HECTD4: variants seen among roughly 807,000 people sequenced by gnomAD.
The protein encoded by HECTD4 is probable E3 ubiquitin-protein ligase HECTD4.
In HECTD4, 114 loss-of-function variants were observed where a neutral mutation model predicts 471.5. The ratio of observed to expected loss-of-function variants is 0.24; its 90% CI spans 0.21 to 0.28. The LOEUF (loss-of-function observed/expected upper bound fraction) is 0.28, where lower values mean the gene tolerates loss of function less well. Ranked by LOEUF, HECTD4 falls within the 10% of genes least tolerant of loss-of-function variation. The pLI, the probability that HECTD4 is intolerant of heterozygous loss-of-function variation, is 1.00. For synonymous variants in HECTD4, 2,012 were observed against 2,256.0 expected (o/e 0.89, Z 3.07); for missense variants, 3,866 against 5,651.5 (o/e 0.68, Z 10.13).
In HECTD4 at chr12:112,161,691, C is replaced by T. The variant is rs1165320974; in HGVS notation, c.*696G>A. 1.3e-5 allele frequency: 2 copies of T among 152,172 alleles called. No individual in the cohort carries two copies. The highest frequency in any genetic ancestry group is 2.1e-4 in the South Asian group (1 of 4,816). 9.4% of individuals were successfully genotyped at this position (152,172 alleles called of 1,614,324 possible). A position where few individuals can be genotyped will look rare whatever the true frequency, so the allele number is the denominator to read the frequency against. ...GATGAACCCTTAAGTCTCCTGCTCC[C>T]GAGGAGGCCTCAGATGAAAACTGTC... On this transcript the variant is annotated 3_prime_UTR_variant, in exon 76 of 76. Transcript: ENST00000682272.
Position 112,250,259 on chromosome 12 carries a change from C to T in HECTD4, c.3835G>A (p.Val1279Met), listed in dbSNP as rs572377351. The change falls in exon 25 of 76, where the codon GTG becomes ATG. Residue 1279 changes from valine to methionine, a missense_variant. Physicochemically the swap from Val to Met is conservative, Grantham distance 21. Coordinates refer to ENST00000682272, the MANE Select transcript of HECTD4 (RefSeq NM_001388303.1). ...TCAAAGTAGTTTCCAACAGGAGGCA[C>T]GAGGACATCAGAGGGGTAGGTGAAT... ...REFTYPSDVLVPPVGNYFDLP... is the reference protein window; with the variant it reads ...REFTYPSDVLMPPVGNYFDLP... 9.3e-5 allele frequency: 150 copies of T among 1,613,898 alleles called. No homozygotes were observed. The highest frequency in any genetic ancestry group is 1.1e-4 in the Non-Finnish European group (125 of 1,179,830).
Position 112,381,984 on chromosome 12 carries a change from C to T in HECTD4, c.145G>A (p.Gly49Arg). ...TCGGTGTCCGCGGCCTCTGGGGCCC[C>T]GAGGATCTCGCTGGGCAGCTCGGCC... Reference protein sequence around the residue: ...DLAELPSEILGAPEAADTDLE... With the variant: ...DLAELPSEILRAPEAADTDLE... Residue 49 changes from glycine to arginine, a missense_variant, in exon 1 of 76, where the codon GGG (glycine) becomes AGG (arginine). Coordinates refer to ENST00000682272, the MANE Select transcript of HECTD4 (RefSeq NM_001388303.1). The surrounding 1 kb of genome is among the most constrained non-coding windows in gnomAD (Gnocchi z 4.1). 1 of 1,224,840 alleles carries T rather than the reference C, an allele frequency of 8.2e-7. No individual in the cohort carries two copies. The highest frequency in any genetic ancestry group is 1.0e-6 in the Non-Finnish European group (1 of 983,448). The allele number at this position is 1,224,840 out of a possible 1,614,324, so 75.9% of individuals were successfully genotyped here.
chr12:112,165,911 G>A (rs966061413), intron 72 of HECTD4, among the ~76,000 whole-genome samples: 2 of 152,176 alleles, frequency 1.3e-5, no homozygotes, highest in Non-Finnish European at 2.9e-5. Context: ...GGACATTCGG[G>A]TCTAAGCCTG....
intron 37 of HECTD4, among the ~76,000 whole-genome samples, chr12:112,233,443 G>A (rs187627708): frequency 7.3e-5 from 11 of 151,718 alleles, no homozygotes; most frequent in Admixed American, 3.9e-4. Context: ...GGCTGGTCTC[G>A]AACTCCTGGG....
chr12:112,342,861 T>C (rs1028317675), intron 1 of HECTD4, among the ~76,000 whole-genome samples: 2 of 152,214 alleles, frequency 1.3e-5, no homozygotes, highest in African/African-American at 4.8e-5. Context: ...AAAGAAATCC[T>C]TTCCCTAGTA....
intron 9 of HECTD4, among the ~76,000 whole-genome samples, chr12:112,278,594 A>G (rs754602823): frequency 1.4e-4 from 21 of 152,256 alleles, no homozygotes; most frequent in Non-Finnish European, 2.5e-4. Context: ...GTATTTTAAT[A>G]GCTTTGAAAT....
rs537920445 is a variant in HECTD4 at position 112,191,884 on chromosome 12, CAT to C, written c.9292+674_9292+675del. Among the ~76,000 whole-genome samples the C allele has an allele frequency of 8.9e-4, 136 of 152,302 alleles. 1 individual carries two copies. The highest frequency in any genetic ancestry group is 2.1e-3 in the African/African-American group (88 of 41,560). On this transcript the variant is annotated intron_variant, in intron 59 of 75. Transcript: ENST00000682272. ...GCCTGTTATTTTGGCTAAAAGTTCA[CAT>C]GTTTTCTGTCTCTGGCAAACACGCG...
chr12:112,187,171 G>A (rs2031901013), intron 60 of HECTD4, among the ~76,000 whole-genome samples: 3 of 151,714 alleles, frequency 2.0e-5, no homozygotes, highest in Admixed American at 1.3e-4. Flanking sequence ...TAGAGACAGG[G>A]TTCCTCCGTG....
intron 7 of HECTD4, among the ~76,000 whole-genome samples, chr12:112,304,784 G>C (rs1594028867): frequency 6.6e-6 from 1 of 152,238 alleles, no homozygotes; most frequent in African/African-American, 2.4e-5. Flanking sequence ...ATAATGGTTA[G>C]AGGACACTGT....
intron 20 of HECTD4, among the ~76,000 whole-genome samples, chr12:112,258,092 G>C (rs2034062037): frequency 6.6e-6 from 1 of 151,924 alleles, no homozygotes; most frequent in Admixed American, 6.6e-5. Context: ...ATGAGGCTGA[G>C]ACAGGAGAAT....
At position 112,259,265 on chromosome 12, in the gene HECTD4, C is replaced by T; in HGVS notation, c.2874G>A (p.Arg958=). The change falls in exon 19 of 76, where the codon AGG becomes AGA. Residue 958 remains arginine, a splice_region_variant and synonymous_variant. Coordinates refer to ENST00000682272, the MANE Select transcript of HECTD4 (RefSeq NM_001388303.1). ...INSDIADREQ[R]LKGLEQVTKA... is the part of the protein sequence containing the mutation. ...TAGTAACTTGTTCCAAGCCTTTTAA[C>T]CTACAAAAAGTTCAAGAAAAACACA... 3 of 1,613,594 alleles carry T rather than the reference C, an allele frequency of 1.9e-6. No individual in the cohort carries two copies. Among genetic ancestry groups the T allele is most frequent in the Middle Eastern group, 3.3e-4 (2 of 6,060 alleles).
intron 34 of HECTD4, 56 bp from the exon 35 acceptor site, chr12:112,237,154 T>C (rs2033529847): frequency 6.7e-7 from 1 of 1,486,982 alleles, no homozygotes; most frequent in African/African-American, 1.4e-5. Context: ...GGTGCCATGG[T>C]GAGCCTGAGG....
At chr12:112,238,978 G>T in intron 34 of HECTD4, 74 bp downstream of exon 34, 1 of 1,381,232 alleles carries the variant, frequency 7.2e-7, no homozygotes, top group Non-Finnish European at 9.8e-7. Context: ...CTTTCATTTA[G>T]CATAAAAAAA....
intron 1 of HECTD4, among the ~76,000 whole-genome samples, chr12:112,339,442 C>T (rs893366502): frequency 6.6e-6 from 1 of 151,482 alleles, no homozygotes; most frequent in Non-Finnish European, 1.5e-5. Flanking sequence ...ATAATAAAAG[C>T]AAAAGAAAAA....
chr12:112,365,840 CGGCT>C (rs2036547752), intron 1 of HECTD4, among the ~76,000 whole-genome samples: 1 of 145,060 alleles, frequency 6.9e-6, no homozygotes, highest in East Asian at 2.0e-4. Flanking sequence ...GGAGCGATCT[CGGCT>C]GATTCACTGC....
At chr12:112,211,348 G>C (rs1033890236) in intron 49 of HECTD4, among the ~76,000 whole-genome samples, 1 of 152,044 alleles carries the variant, frequency 6.6e-6, no homozygotes, top group Admixed American at 6.6e-5. Context: ...CCAGAGCAGC[G>C]GGGACTACTC....
Position 112,261,416 on chromosome 12 carries a change from C to G in HECTD4, c.2762G>C (p.Ser921Thr), listed in dbSNP as rs1378633416. 6.2e-7 allele frequency: 1 copy of G among 1,607,256 alleles called. No homozygotes were observed. Among genetic ancestry groups the G allele is most frequent in the African/African-American group, 1.3e-5 (1 of 74,840 alleles). Residue 921 changes from serine (S) to threonine (T), a missense_variant, in exon 18 of 76, where the codon AGT becomes ACT. Physicochemically the swap from Ser to Thr is moderately conservative, Grantham distance 58. Transcript: ENST00000682272. Reference sequence around the variant, plus strand: ...GATTTGGGTGGCAAGAGCCAAAATACTGACTTTTAGCTCCTAGGCAGAAAA... The same window carrying G: ...GATTTGGGTGGCAAGAGCCAAAATAGTGACTTTTAGCTCCTAGGCAGAAAA... ...ETLKVQELKV[S>T]ILALATQILT... is the part of the protein sequence containing the mutation.
At chr12:112,209,467 C>T (rs2032697547) in intron 50 of HECTD4, among the ~76,000 whole-genome samples, 1 of 151,980 alleles carries the variant, frequency 6.6e-6, no homozygotes, top group Admixed American at 6.6e-5. Context: ...TTGGGGATTA[C>T]AGGCACACGC....
At chr12:112,304,410 C>A (rs1447969926) in intron 7 of HECTD4, among the ~76,000 whole-genome samples, 1 of 151,950 alleles carries the variant, frequency 6.6e-6, no homozygotes, top group Non-Finnish European at 1.5e-5. Context: ...CAGGCACATG[C>A]CACAACACCC....
Sources: gnomAD v4.1 joint callset for allele counts (sites outside exome capture counted in the v4.1 genomes callset) on GRCh38, gnomAD v4.1.1 for gene constraint, Gnocchi (gnomAD v3.1) non-coding constraint, MANE v1.5 for transcripts, NCBI Gene and HGNC (gene_info 2026-07-23, HGNC 2026-07-21) for gene names.